The following PCDHGA6 variants were observed in gnomAD, a reference collection of about 807,000 sequenced individuals.
The protein encoded by PCDHGA6 is protocadherin gamma subfamily A, 6.
A neutral mutation model predicts 60.6 loss-of-function variants in PCDHGA6; 41 were observed. The ratio of observed to expected loss-of-function variants is 0.68; its 90% CI spans 0.53 to 0.88. The LOEUF (loss-of-function observed/expected upper bound fraction) is 0.88, where lower values mean the gene tolerates loss of function less well. Ranked by LOEUF, PCDHGA6 falls within the 40% of genes least tolerant of loss-of-function variation. The pLI, the probability that PCDHGA6 is intolerant of heterozygous loss-of-function variation, is 0.00. For synonymous variants in PCDHGA6, 594 were observed against 524.4 expected, an observed-to-expected ratio of 1.13 and a Z score of -1.81; for missense variants, 1,312 against 1,203.0, an observed-to-expected ratio of 1.09 and a Z score of -1.34.
At chr5:141,393,624 G>A (rs1190793808) in intron 1 of PCDHGA6, 1 of 1,613,972 alleles carries the variant, frequency 6.2e-7, no homozygotes, top group Non-Finnish European at 8.5e-7. Flanking sequence ...CGACCCGGAT[G>A]AGGGAATCAA....
At chr5:141,400,301 C>T in intron 1 of PCDHGA6, 3 of 1,614,084 alleles carry the variant, frequency 1.9e-6, no homozygotes, top group Non-Finnish European at 2.5e-6. Flanking sequence ...TGCTTCCAAC[C>T]TGGTCTCTGT....
At chr5:141,388,710 G>T in intron 1 of PCDHGA6, 1 of 1,613,966 alleles carries the variant, frequency 6.2e-7, no homozygotes, top group Non-Finnish European at 8.5e-7. Context: ...TGTCAATGCC[G>T]AGATTACTTT....
At chr5:141,422,898 C>CTCTG (rs747261683) in intron 1 of PCDHGA6, 4 of 1,614,250 alleles carry the variant, frequency 2.5e-6, no homozygotes, top group Non-Finnish European at 3.4e-6. Flanking sequence ...TGGACCAGAA[C>CTCTG]GACAATGCGC....
chr5:141,445,973 G>A (rs563637331), intron 1 of PCDHGA6, among the ~76,000 whole-genome samples: 28 of 152,326 alleles, frequency 1.8e-4, no homozygotes, highest in African/African-American at 6.0e-4. Flanking sequence ...ATTGATTTAT[G>A]AGGGTTATAA....
intron 2 of PCDHGA6, among the ~76,000 whole-genome samples, chr5:141,499,670 C>T (rs1477227784): frequency 6.6e-6 from 1 of 151,412 alleles, no homozygotes; most frequent in African/African-American, 2.4e-5. Flanking sequence ...TCTTGGTCTC[C>T]ACCATCTTTA....
chr5:141,424,401 G>A (rs1167861346), intron 1 of PCDHGA6: 1 of 151,844 alleles, frequency 6.6e-6, no homozygotes, highest in Non-Finnish European at 1.5e-5. Flanking sequence ...CCATTACTAT[G>A]GTGAAGTTAC....
chr5:141,436,921 C>T lies in PCDHGA6; in HGVS notation c.2425-57886C>T, dbSNP rs73794904. Among the ~76,000 whole-genome samples the T allele has an allele frequency of 9.3e-3, 1,413 of 152,246 alleles. 25 individuals carry two copies. The highest frequency in any genetic ancestry group is 0.032 in the African/African-American group (1,313 of 41,572). On this transcript the variant is annotated intron_variant, in intron 1 of 3. Coordinates refer to ENST00000517434, the MANE Select transcript of PCDHGA6 (RefSeq NM_018919.3). ...ATATGAGACAATTTTGTGAGTGTTA[C>T]TTTTTCTTTGTCTGAACCATAGTGA...
intron 2 of PCDHGA6, among the ~76,000 whole-genome samples, chr5:141,504,039 AC>A (rs1396515708): frequency 6.6e-6 from 1 of 152,184 alleles, no homozygotes; most frequent in African/African-American, 2.4e-5. Context: ...CATTTAGGCA[AC>A]AAATATTTAT....
At chr5:141,386,663 G>A (rs532080624) in intron 1 of PCDHGA6, among the ~76,000 whole-genome samples, 7 of 151,932 alleles carry the variant, frequency 4.6e-5, no homozygotes, top group Non-Finnish European at 1.0e-4. Flanking sequence ...GTTCTGCAGT[G>A]TTCACATTTC....
intron 1 of PCDHGA6, chr5:141,383,820 A>C: frequency 6.2e-7 from 1 of 1,613,924 alleles, no homozygotes; most frequent in Non-Finnish European, 8.5e-7. Flanking sequence ...TAGAAGGATT[A>C]GATTATGAAG....
intron 1 of PCDHGA6, chr5:141,410,592 T>C: frequency 1.2e-6 from 2 of 1,609,264 alleles, no homozygotes; most frequent in Non-Finnish European, 1.7e-6. Context: ...GGGGAGGATT[T>C]GACTTCACAT....
Position 141,489,902 on chromosome 5 carries a change from C to T in PCDHGA6, c.2425-4905C>T. The T allele has an allele frequency of 6.2e-7, 1 of 1,614,218 alleles. No individual in the cohort carries two copies. The highest frequency in any genetic ancestry group is 8.5e-7 in the Non-Finnish European group (1 of 1,180,032). On this transcript the variant is annotated intron_variant, in intron 1 of 3. Transcript: ENST00000517434. This position sits in a 1 kb window ranked among gnomAD's most constrained non-coding sequence, Gnocchi z 4.5. Reference sequence around the variant, plus strand: ...ACTGCTGTGGATGGGGGGACCCCAGCCCGCTCAGGGACCACCCTTATCTCT... The same window carrying T: ...ACTGCTGTGGATGGGGGGACCCCAGTCCGCTCAGGGACCACCCTTATCTCT...
intron 1 of PCDHGA6, chr5:141,378,251 G>A (rs780385993): frequency 6.6e-6 from 1 of 152,234 alleles, no homozygotes; most frequent in Non-Finnish European, 1.5e-5. Flanking sequence ...ATGGCCGGGT[G>A]CGGTGGCTCA....
chr5:141,422,479 A>G, intron 1 of PCDHGA6: 1 of 1,613,890 alleles, frequency 6.2e-7, no homozygotes, highest in Non-Finnish European at 8.5e-7. Flanking sequence ...GTTGGTCCAG[A>G]GCTACAATAT....
rs953428261 is a variant in PCDHGA6, at chr5:141,430,262, T to C, written c.2424+53755T>C. On this transcript the variant is annotated intron_variant, in intron 1 of 3. Coordinates refer to ENST00000517434, the MANE Select transcript of PCDHGA6 (RefSeq NM_018919.3). ...AACTCCTAGGGAGACATCTCCATAA[T>C]AGGTGTGTTGGGGGAACAGTAATCT... Among the ~76,000 whole-genome samples the C allele has an allele frequency of 2.6e-5, 4 of 151,892 alleles. No homozygotes were observed. The East Asian group carries it at 5.8e-4, about 22-fold the overall frequency.
intron 1 of PCDHGA6, chr5:141,384,222 G>A: frequency 1.2e-6 from 2 of 1,613,868 alleles, no homozygotes; most frequent in South Asian, 2.2e-5. Context: ...TATTCATGCA[G>A]GTGGCAGACA....
intron 1 of PCDHGA6, chr5:141,383,470 T>G (rs1779162782): frequency 6.2e-7 from 1 of 1,613,710 alleles, no homozygotes; most frequent in Non-Finnish European, 8.5e-7. Flanking sequence ...TGAAACTAAG[T>G]ACCCGGAACT....
chr5:141,418,085 A>C lies in PCDHGA6; in HGVS notation c.2424+41578A>C, dbSNP rs1235378254. On this transcript the variant is annotated intron_variant, in intron 1 of 3. Transcript: ENST00000517434. The stretch of plus-strand genomic sequence containing the variant: ...AGTGAGCGCGGAGAAGCTGCACTTC[A>C]GCGTAGACGCGCAGAGCGGGGACTT... The C allele has an allele frequency of 2.5e-6, 4 of 1,613,936 alleles. No homozygotes were observed. The highest frequency in any genetic ancestry group is 3.4e-6 in the Non-Finnish European group (4 of 1,179,908).
At chr5:141,398,293 T>A in intron 1 of PCDHGA6, 1 of 1,383,344 alleles carries the variant, frequency 7.2e-7, no homozygotes, top group Non-Finnish European at 9.9e-7. Flanking sequence ...GGACCTGGGG[T>A]TCAGCGTCCA....
Sources: gnomAD v4.1 joint callset for allele counts (sites outside exome capture counted in the v4.1 genomes callset) on GRCh38, gnomAD v4.1.1 for gene constraint, Gnocchi (gnomAD v3.1) non-coding constraint, MANE v1.5 for transcripts, NCBI Gene and HGNC (gene_info 2026-07-23, HGNC 2026-07-21) for gene names.